Variants in CSMD1 observed in about 807,000 individuals in gnomAD.
CSMD1 encodes CUB and Sushi multiple domains 1, also known as CUB and sushi domain-containing protein 1.
CSMD1 carries 213 observed loss-of-function variants against 417.5 expected under a neutral mutation model. The observed-to-expected ratio is 0.51, with a 90% CI of 0.46 to 0.57. The LOEUF is 0.57. Ranked by LOEUF, CSMD1 falls within the 20% of genes least tolerant of loss-of-function variation. CSMD1 has a pLI of 0.00. For synonymous variants in CSMD1, 2,862 were observed against 1,736.8 expected (o/e 1.65, Z -16.11); for missense variants, 6,923 against 4,529.7 (o/e 1.53, Z -15.17).
At chr8:3,059,183 CTTG>C (rs1285584746) in intron 49 of CSMD1, among the ~76,000 whole-genome samples, 1 of 150,172 alleles carries the variant, frequency 6.7e-6, no homozygotes, top group Admixed American at 6.7e-5. Context: ...ATAATAATGG[CTTG>C]TTAAGAACTA....
intron 16 of CSMD1, 35 bp downstream of exon 16, chr8:3,399,356 C>A: frequency 6.4e-7 from 1 of 1,563,406 alleles, no homozygotes; most frequent in South Asian, 1.2e-5. Flanking sequence ...AGACACACAC[C>A]ATTGGGTCCA....
rs572361535 is a variant in CSMD1, at chr8:4,180,676, T to C, written c.416-148577A>G. The stretch of plus-strand genomic sequence containing the variant: ...TCCTGCCCTGCCAGCACTGGCCATA[T>C]GAAAGGCAAGGTAGCTCACTGGTTG... On this transcript the variant is annotated intron_variant, in intron 3 of 69. Transcript: ENST00000635120. 8.1e-4 allele frequency among the ~76,000 whole-genome samples: 124 copies of C among 152,180 alleles called. 1 individual carries two copies. The highest frequency in any genetic ancestry group is 1.4e-3 in the Non-Finnish European group (98 of 67,994).
chr8:3,308,367 C>G lies in CSMD1; in HGVS notation c.3768G>C (p.Leu1256=), dbSNP rs371960024. The change falls in exon 24 of 70, where the codon CTG becomes CTC. Residue 1256 remains leucine, a synonymous_variant. Transcript: ENST00000635120. The part of the protein sequence containing the change: ...PGYAMHGSNT[L]TCLSGDRRVW... ...CTCTCCTGTCTCCACTCAAACAGGT[C>G]AGGGTGTTGCTGCCATGCATGGCGT... is the stretch of plus-strand genomic sequence containing the variant. 1.9e-6 allele frequency: 3 copies of G among 1,613,624 alleles called. No individual in the cohort carries two copies. Among genetic ancestry groups the G allele is most frequent in the African/African-American group, 1.3e-5 (1 of 74,936 alleles).
intron 10 of CSMD1, among the ~76,000 whole-genome samples, chr8:3,502,873 T>C (rs1423635285): frequency 6.6e-6 from 1 of 152,106 alleles, no homozygotes; most frequent in African/African-American, 2.4e-5. Context: ...TAATTCAGCA[T>C]GAATCAATGT....
chr8:3,462,367 T>C (rs1816559465), intron 12 of CSMD1, among the ~76,000 whole-genome samples: 1 of 152,148 alleles, frequency 6.6e-6, no homozygotes, highest in South Asian at 2.1e-4. Context: ...GTCCATGGCC[T>C]GCTAGGAACT....
chr8:4,768,667 G>C (rs1424235375), intron 1 of CSMD1, among the ~76,000 whole-genome samples: 1 of 152,272 alleles, frequency 6.6e-6, no homozygotes, highest in African/African-American at 2.4e-5. Context: ...TCACAGATGG[G>C]AGGGAAAGGT....
At chr8:4,364,459 T>C (rs1052636580) in intron 3 of CSMD1, among the ~76,000 whole-genome samples, 1 of 152,198 alleles carries the variant, frequency 6.6e-6, no homozygotes, top group Non-Finnish European at 1.5e-5. Flanking sequence ...CAAAGTAATC[T>C]ATTTTTAGTA....
At chr8:4,412,926 G>A (rs1334416877) in intron 3 of CSMD1, among the ~76,000 whole-genome samples, 1 of 151,760 alleles carries the variant, frequency 6.6e-6, no homozygotes, top group Non-Finnish European at 1.5e-5. Flanking sequence ...TAAAAGAAAA[G>A]TTGACGCCTC....
At chr8:3,075,369 C>T (rs911047637) in intron 49 of CSMD1, among the ~76,000 whole-genome samples, 14 of 150,984 alleles carry the variant, frequency 9.3e-5, no homozygotes, top group African/African-American at 7.3e-5. Flanking sequence ...ACAACCTCCA[C>T]CTCCTGGATT....
intron 1 of CSMD1, among the ~76,000 whole-genome samples, chr8:4,768,424 T>C (rs1011122962): frequency 6.6e-6 from 1 of 152,236 alleles, no homozygotes; most frequent in Non-Finnish European, 1.5e-5. Context: ...TGTCAGCGAC[T>C]GTGTTAAACG....
chr8:3,253,963 C>T (rs1426239385), intron 26 of CSMD1, among the ~76,000 whole-genome samples: 1 of 151,914 alleles, frequency 6.6e-6, no homozygotes. Context: ...CTGTTTCTTC[C>T]TAGCCTTGAT....
intron 1 of CSMD1, among the ~76,000 whole-genome samples, chr8:4,822,076 C>A (rs959494587): frequency 6.6e-6 from 1 of 151,964 alleles, no homozygotes; most frequent in Non-Finnish European, 1.5e-5. Flanking sequence ...CCTTTCTTTT[C>A]GGGTTCAGTA....
intron 5 of CSMD1, among the ~76,000 whole-genome samples, chr8:3,831,894 C>T (rs1275930830): frequency 1.3e-5 from 2 of 152,034 alleles, no homozygotes; most frequent in African/African-American, 4.8e-5. Context: ...AATATGGTAA[C>T]CCAGAAATAT....
At chr8:3,753,862 T>C in intron 6 of CSMD1, 68 bp downstream of exon 6, 2 of 1,091,876 alleles carry the variant, frequency 1.8e-6, no homozygotes, top group East Asian at 2.5e-5. Context: ...TAAAATTTCA[T>C]GGCTAGAAAG....
In CSMD1 at chr8:3,343,325, G is replaced by A; in HGVS notation, c.3600C>T (p.Asp1200=). The change falls in exon 23 of 70, where the codon GAC becomes GAT. Residue 1200 remains aspartate, a synonymous_variant. Coordinates refer to ENST00000635120, the MANE Select transcript of CSMD1 (RefSeq NM_033225.6). ...AGGTGAGTTGAAAACCTTGGTCGGT[G>A]TCAGATCCATTGGTGTTGAACTCTA... ...LWLEFNTNGS[D]TDQGFQLTYT... is the part of the protein sequence containing the mutation. 4 of 1,613,750 alleles carry A rather than the reference G, an allele frequency of 2.5e-6. No homozygotes were observed. The highest frequency in any genetic ancestry group is 2.2e-5 in the South Asian group (2 of 91,076).
At chr8:4,390,754 G>T (rs532992437) in intron 3 of CSMD1, among the ~76,000 whole-genome samples, 1 of 151,694 alleles carries the variant, frequency 6.6e-6, no homozygotes, top group East Asian at 2.0e-4. Context: ...ACCTCGTCAG[G>T]ATGGTCTCAA....
At chr8:4,318,289 T>C (rs1799056037) in intron 3 of CSMD1, among the ~76,000 whole-genome samples, 1 of 152,162 alleles carries the variant, frequency 6.6e-6, no homozygotes, top group African/African-American at 2.4e-5. Flanking sequence ...GTTTTTACTT[T>C]CTAATCTTTG....
At chr8:3,497,296 AT>A (rs1796407341) in intron 10 of CSMD1, among the ~76,000 whole-genome samples, 3 of 152,144 alleles carry the variant, frequency 2.0e-5, no homozygotes, top group African/African-American at 7.2e-5. Context: ...CCCATCAATA[AT>A]GTTTGCTTTA....
intron 7 of CSMD1, among the ~76,000 whole-genome samples, chr8:3,675,769 G>C (rs535160916): frequency 6.6e-6 from 1 of 152,184 alleles, no homozygotes; most frequent in Non-Finnish European, 1.5e-5. Context: ...AGAAATATAT[G>C]TCTGTTGTTT....
Sources: gnomAD v4.1 joint callset for allele counts (sites outside exome capture counted in the v4.1 genomes callset) on GRCh38, gnomAD v4.1.1 for gene constraint, MANE v1.5 for transcripts, NCBI Gene and HGNC (gene_info 2026-07-23, HGNC 2026-07-21) for gene names.